The following ERC1 variants were observed in gnomAD, a reference collection of about 807,000 sequenced individuals.
ERC1 encodes the protein RAB6 interacting protein 2.
A neutral mutation model predicts 132.0 loss-of-function variants in ERC1; 56 were observed. The observed-to-expected ratio is 0.42, with a 90% confidence interval of 0.34 to 0.53. The LOEUF (loss-of-function observed/expected upper bound fraction) is 0.53, where lower values mean the gene tolerates loss of function less well. Ranked by LOEUF, ERC1 falls within the 20% of genes least tolerant of loss-of-function variation. The pLI is 0.03. For synonymous variants in ERC1, 478 were observed against 476.1 expected (o/e 1.00, Z -0.05); for missense variants, 1,202 against 1,349.9 (o/e 0.89, Z 1.72).
chr12:999,218 G>C (rs544944474), intron 1 of ERC1, among the ~76,000 whole-genome samples: 1 of 152,046 alleles, frequency 6.6e-6, no homozygotes, highest in Admixed American at 6.6e-5. Flanking sequence ...ATTTCTTTGG[G>C]CTTTCTCATC....
intron 14 of ERC1, among the ~76,000 whole-genome samples, chr12:1,283,190 G>A (rs2078803276): frequency 6.6e-6 from 1 of 152,172 alleles, no homozygotes; most frequent in Non-Finnish European, 1.5e-5. Context: ...ACTGCACACT[G>A]TCAGGCCCCG....
At chr12:1,148,841 A>G (rs1342438655) in intron 8 of ERC1, among the ~76,000 whole-genome samples, 6 of 152,152 alleles carry the variant, frequency 3.9e-5, no homozygotes, top group Non-Finnish European at 8.8e-5. Flanking sequence ...ACCTCAGATG[A>G]TCCTCCCGCC....
intron 8 of ERC1, among the ~76,000 whole-genome samples, chr12:1,151,400 C>T (rs777363350): frequency 6.6e-6 from 1 of 152,158 alleles, no homozygotes; most frequent in Non-Finnish European, 1.5e-5. Flanking sequence ...CACCATAGAC[C>T]ATGTGCACCC....
intron 2 of ERC1, among the ~76,000 whole-genome samples, chr12:1,056,707 G>A (rs966010125): frequency 6.6e-6 from 1 of 152,240 alleles, no homozygotes; most frequent in African/African-American, 2.4e-5. Context: ...ACAAAGAAAA[G>A]GGAAGGTGAA....
intron 17 of ERC1, among the ~76,000 whole-genome samples, chr12:1,440,014 T>C (rs949681165): frequency 6.6e-6 from 1 of 152,330 alleles, no homozygotes; most frequent in Non-Finnish European, 1.5e-5. Flanking sequence ...TTGGGCAGTT[T>C]CATATGCTTT....
At chr12:1,276,594 C>G (rs1187485327) in intron 14 of ERC1, among the ~76,000 whole-genome samples, 6 of 151,630 alleles carry the variant, frequency 4.0e-5, no homozygotes, top group Admixed American at 1.3e-4. Flanking sequence ...TTTAATAACA[C>G]TGCATTATTA....
chr12:1,094,100 C>T lies in ERC1; in HGVS notation c.1086+10520C>T, dbSNP rs981538458. On this transcript the variant is annotated intron_variant, in intron 3 of 18. Coordinates refer to ENST00000360905, the MANE Select transcript of ERC1 (RefSeq NM_178040.4). ...GTGGTGCAATCTCAGCTCACCGCAA[C>T]CTCCGCGTCCCGGGTTCAAGCAATT... 2.2e-3 allele frequency among the ~76,000 whole-genome samples: 324 copies of T among 149,050 alleles called. 2 individuals are homozygous for T. The highest frequency in any genetic ancestry group is 2.6e-3 in the Non-Finnish European group (175 of 67,278).
intron 7 of ERC1, among the ~76,000 whole-genome samples, chr12:1,138,597 C>G (rs1949581706): frequency 6.6e-6 from 1 of 151,564 alleles, no homozygotes; most frequent in Non-Finnish European, 1.5e-5. Context: ...AAGATGTGTT[C>G]AGTAGGCAGA....
Position 1,472,700 on chromosome 12 carries a change from G to GA in ERC1, c.3214-17387dup, listed in dbSNP as rs575640786. Among the ~76,000 whole-genome samples the GA allele has an allele frequency of 6.0e-5, 9 of 151,050 alleles. No homozygotes were observed. The South Asian group carries it at 1.9e-3, about 32-fold the overall frequency. On this transcript the variant is annotated intron_variant, in intron 18 of 18. Coordinates refer to ENST00000360905, the MANE Select transcript of ERC1 (RefSeq NM_178040.4). Reference sequence around the variant, plus strand: ...AAAGGAAGGAAGGGAGAAAGAAAAGGAAAAAAGGAAGGAAGGGAAGGAGGG... The same window carrying GA: ...AAAGGAAGGAAGGGAGAAAGAAAAGGAAAAAAAGGAAGGAAGGGAAGGAGGG...
At chr12:1,333,109 C>G (rs531833125) in intron 15 of ERC1, among the ~76,000 whole-genome samples, 17 of 149,928 alleles carry the variant, frequency 1.1e-4, no homozygotes, top group East Asian at 3.9e-4. Flanking sequence ...TCTCACCCCC[C>G]CTCCTCCATT....
intron 2 of ERC1, among the ~76,000 whole-genome samples, chr12:1,065,480 T>TTGTGTGTGTGTGTGTGTGTGTGTG (rs71293132): frequency 8.0e-6 from 1 of 125,014 alleles, no homozygotes; most frequent in South Asian, 2.9e-4. Context: ...TTTGTACCGT[T>TTGTGTGTGTGTGTGTGTGTGTGTG]TGTGTGTGTG....
chr12:1,445,164 T>G (rs2093270210), intron 18 of ERC1: 2 of 160,272 alleles, frequency 1.2e-5, no homozygotes, highest in Non-Finnish European at 2.7e-5. Context: ...GAAAACACTT[T>G]AAAATCTACT....
intron 18 of ERC1, among the ~76,000 whole-genome samples, chr12:1,473,699 C>G (rs996051450): frequency 1.1e-4 from 17 of 151,448 alleles, no homozygotes; most frequent in Admixed American, 2.6e-4. Flanking sequence ...ACAGCCATTA[C>G]CACTTCCGGC....
intron 18 of ERC1, among the ~76,000 whole-genome samples, chr12:1,458,535 CTTTT>C (rs767876391): frequency 2.2e-5 from 3 of 133,828 alleles, no homozygotes; most frequent in Admixed American, 7.4e-5. Flanking sequence ...TATGTATTTT[CTTTT>C]TTTTTTTTTT....
intron 15 of ERC1, among the ~76,000 whole-genome samples, chr12:1,339,746 G>A (rs577121976): frequency 1.3e-5 from 2 of 152,294 alleles, no homozygotes; most frequent in South Asian, 2.1e-4. Flanking sequence ...TTACTGGTGG[G>A]GACAGGTCTC....
chr12:1,126,664 A>G (rs11832637), intron 7 of ERC1, among the ~76,000 whole-genome samples: 6,692 of 152,228 alleles, frequency 0.044, 498 homozygotes, highest in African/African-American at 0.15. Context: ...AGAGCCTCTT[A>G]AAATAGTAAG....
chr12:1,450,409 C>T (rs1269378952), intron 18 of ERC1, among the ~76,000 whole-genome samples: 2 of 152,176 alleles, frequency 1.3e-5, no homozygotes, highest in Non-Finnish European at 2.9e-5. Context: ...CAGTATTTGT[C>T]GTTTTGTGAC....
At chr12:1,416,544 A>G (rs886804389) in intron 17 of ERC1, among the ~76,000 whole-genome samples, 1 of 152,226 alleles carries the variant, frequency 6.6e-6, no homozygotes, top group Non-Finnish European at 1.5e-5. Flanking sequence ...CAAACTACAG[A>G]TGTGAGGAGC....
intron 18 of ERC1, among the ~76,000 whole-genome samples, chr12:1,459,136 T>A (rs180816213): frequency 3.3e-5 from 5 of 152,368 alleles, no homozygotes; most frequent in African/African-American, 1.2e-4. Context: ...ATTGCCTAAA[T>A]CTTTCCAAAG....
Sources: allele counts gnomAD v4.1 joint callset (sites outside exome capture counted in the v4.1 genomes callset), GRCh38; gene constraint gnomAD v4.1.1; transcripts MANE v1.5; gene names NCBI Gene and HGNC (gene_info 2026-07-23, HGNC 2026-07-21).